ST3GAL3: variants seen among roughly 807,000 people sequenced by gnomAD.
The protein encoded by ST3GAL3 is ST3 beta-galactoside alpha-2,3-sialyltransferase 3.
Under a neutral mutation model 50.1 loss-of-function variants are expected in ST3GAL3, and 21 were observed. That is an observed-to-expected ratio of 0.42 (90% confidence interval 0.30 to 0.60). ST3GAL3 has a LOEUF of 0.60. Ranked by LOEUF, ST3GAL3 falls within the 20% of genes least tolerant of loss-of-function variation. The pLI is 0.19. For synonymous variants in ST3GAL3, 183 were observed against 190.0 expected, an observed-to-expected ratio of 0.96 and a Z score of 0.30; for missense variants, 353 against 489.4, an observed-to-expected ratio of 0.72 and a Z score of 2.63.
intron 11 of ST3GAL3, among the ~76,000 whole-genome samples, chr1:43,924,126 C>G (rs1284157551): frequency 2.0e-5 from 3 of 152,168 alleles, no homozygotes; most frequent in Admixed American, 1.3e-4. Context: ...ATATAAGGCA[C>G]TTGGAAATCT....
At chr1:43,811,043 A>T (rs1322875907) in intron 3 of ST3GAL3, among the ~76,000 whole-genome samples, 1 of 152,172 alleles carries the variant, frequency 6.6e-6, no homozygotes, top group Admixed American at 6.5e-5. Context: ...AATGTCAAGG[A>T]TCATCACAGA....
At chr1:43,836,677 G>A (rs1449740357) in intron 4 of ST3GAL3, among the ~76,000 whole-genome samples, 1 of 152,226 alleles carries the variant, frequency 6.6e-6, no homozygotes, top group African/African-American at 2.4e-5. Flanking sequence ...GAGGAGGTGG[G>A]GACTCAGAAC....
rs887596589 is a variant in ST3GAL3, at chr1:43,754,777, C to G, written c.118+18397C>G. 4.6e-5 allele frequency among the ~76,000 whole-genome samples: 7 copies of G among 152,004 alleles called. No individual in the cohort carries two copies. In the South Asian group the frequency reaches 6.2e-4, roughly 13 times the overall value. On this transcript the variant is annotated intron_variant, in intron 2 of 11. Transcript: ENST00000347631. ...CCAGCCTGAGCAGCATAGTGAGATC[C>G]CACCTCTACACAAAATTACAAAATT...
chr1:43,817,785 T>TCTCCTCCTCCTC (rs1350862446), intron 4 of ST3GAL3, among the ~76,000 whole-genome samples: 5 of 101,146 alleles, frequency 4.9e-5, no homozygotes, highest in African/African-American at 1.0e-4. Flanking sequence ...TCCTCCTTCT[T>TCTCCTCCTCCTC]CTCCTCCTCC....
At position 43,853,605 on chromosome 1, in the gene ST3GAL3, G is replaced by C. The variant is rs144150155; in HGVS notation, c.302+15294G>C. The stretch of plus-strand genomic sequence containing the variant: ...GGTACCGAGGTCTACCAGATGCCTG[G>C]TGGTAGCTAATGAGGTGCTGATGTA... On this transcript the variant is annotated intron_variant, in intron 5 of 11. Coordinates refer to ENST00000347631, the MANE Select transcript of ST3GAL3 (RefSeq NM_006279.5). 2.6e-5 allele frequency among the ~76,000 whole-genome samples: 4 copies of C among 152,352 alleles called. No individual in the cohort carries two copies. In the East Asian group the frequency reaches 7.7e-4, roughly 29 times the overall value.
At chr1:43,850,675 T>A (rs768636282) in intron 5 of ST3GAL3, 1 of 726,256 alleles carries the variant, frequency 1.4e-6, no homozygotes, top group Non-Finnish European at 2.5e-6. Flanking sequence ...TCCACGAGGA[T>A]CAAATGTTTA....
intron 4 of ST3GAL3, among the ~76,000 whole-genome samples, chr1:43,821,330 G>T (rs1006584980): frequency 2.0e-5 from 3 of 152,110 alleles, no homozygotes; most frequent in African/African-American, 7.2e-5. Context: ...GATAACCAGG[G>T]ATCCCAAGGT....
chr1:43,816,108 G>T (rs2061212541), intron 4 of ST3GAL3, among the ~76,000 whole-genome samples: 1 of 152,136 alleles, frequency 6.6e-6, no homozygotes, highest in Non-Finnish European at 1.5e-5. Context: ...TCATCTTTGT[G>T]CACCTGTGTC....
intron 9 of ST3GAL3, among the ~76,000 whole-genome samples, chr1:43,911,691 A>AT (rs201013233): frequency 0.093 from 12,820 of 138,054 alleles, 819 homozygotes; most frequent in South Asian, 0.21. Flanking sequence ...ATAGATATGG[A>AT]TTTTTTTTTT....
At chr1:43,847,901 C>T (rs920274467) in intron 5 of ST3GAL3, among the ~76,000 whole-genome samples, 2 of 152,022 alleles carry the variant, frequency 1.3e-5, no homozygotes, top group Admixed American at 6.6e-5. Flanking sequence ...TGTGTAAATA[C>T]GTATTTCCAT....
intron 2 of ST3GAL3, among the ~76,000 whole-genome samples, chr1:43,762,077 G>A (rs1690684281): frequency 6.6e-6 from 1 of 151,460 alleles, no homozygotes; most frequent in Non-Finnish European, 1.5e-5. Flanking sequence ...ACCAGACTGG[G>A]GAACATAGTG....
intron 9 of ST3GAL3, among the ~76,000 whole-genome samples, chr1:43,901,759 C>G (rs1245643963): frequency 6.6e-6 from 1 of 152,172 alleles, no homozygotes; most frequent in African/African-American, 2.4e-5. Flanking sequence ...ACCCAGGGCT[C>G]TAGGACTAGC....
intron 11 of ST3GAL3, among the ~76,000 whole-genome samples, chr1:43,924,119 T>A (rs1336999181): frequency 6.6e-6 from 1 of 152,202 alleles, no homozygotes; most frequent in Non-Finnish European, 1.5e-5. Flanking sequence ...CAAGGATATA[T>A]AAGGCACTTG....
intron 11 of ST3GAL3, 101 bp downstream of exon 11, chr1:43,921,029 A>T (rs1325998413): frequency 1.4e-6 from 2 of 1,399,558 alleles, no homozygotes; most frequent in African/African-American, 2.8e-5. Context: ...GGCTGCCCAG[A>T]ACTCCCCAGA....
At chr1:43,744,094 C>G (rs1244492058) in intron 2 of ST3GAL3, among the ~76,000 whole-genome samples, 1 of 152,040 alleles carries the variant, frequency 6.6e-6, no homozygotes. Flanking sequence ...CCTTGCATAC[C>G]TTGTTTGATT....
intron 11 of ST3GAL3, among the ~76,000 whole-genome samples, chr1:43,924,487 C>T (rs2083567685): frequency 6.6e-6 from 1 of 152,200 alleles, no homozygotes; most frequent in Non-Finnish European, 1.5e-5. Context: ...GCTTTCTGTG[C>T]CACGGAAGGA....
chr1:43,786,890 A>G (rs530041713), intron 2 of ST3GAL3, among the ~76,000 whole-genome samples: 1 of 152,134 alleles, frequency 6.6e-6, no homozygotes, highest in South Asian at 2.1e-4. Context: ...TGAGGGAACA[A>G]TTTTCTTTTA....
At chr1:43,828,643 CAT>C (rs1399298503) in intron 4 of ST3GAL3, among the ~76,000 whole-genome samples, 3 of 151,954 alleles carry the variant, frequency 2.0e-5, no homozygotes, top group African/African-American at 7.3e-5. Context: ...TGGAAATAAG[CAT>C]ATGAAAAGAT....
chr1:43,754,039 T>A (rs1687151858), intron 2 of ST3GAL3, among the ~76,000 whole-genome samples: 1 of 152,226 alleles, frequency 6.6e-6, no homozygotes, highest in Admixed American at 6.5e-5. Flanking sequence ...GCTAGCTTTA[T>A]TTCTCACTGT....
Sources: gnomAD v4.1 joint callset for allele counts (sites outside exome capture counted in the v4.1 genomes callset) on GRCh38, gnomAD v4.1.1 for gene constraint, MANE v1.5 for transcripts, NCBI Gene and HGNC (gene_info 2026-07-23, HGNC 2026-07-21) for gene names.